The following DNAJC6 variants were observed in gnomAD, a reference collection of about 807,000 sequenced individuals.
The protein encoded by DNAJC6 is DnaJ heat shock protein family (Hsp40) member C6, also known as auxilin.
In DNAJC6, 34 loss-of-function variants were observed where a neutral mutation model predicts 110.0. The ratio of observed to expected loss-of-function variants is 0.31; its 90% confidence interval spans 0.24 to 0.41. DNAJC6 has a LOEUF of 0.41. DNAJC6 is among the 10% of genes least tolerant of loss of function. The pLI, the probability that DNAJC6 is intolerant of heterozygous loss-of-function variation, is 1.00. For missense variants in DNAJC6, 1,031 were observed against 1,207.8 expected (o/e 0.85, Z 2.17); for synonymous variants, 406 against 437.2 (o/e 0.93, Z 0.89).
intron 1 of DNAJC6, among the ~76,000 whole-genome samples, chr1:65,344,223 T>A (rs1645416035): frequency 6.6e-6 from 1 of 152,146 alleles, no homozygotes; most frequent in African/African-American, 2.4e-5. Flanking sequence ...CCTCCAGGGG[T>A]CCTTACAATA....
intron 1 of DNAJC6, among the ~76,000 whole-genome samples, chr1:65,268,067 A>G (rs1028335017): frequency 2.0e-5 from 3 of 152,230 alleles, no homozygotes; most frequent in Non-Finnish European, 4.4e-5. Context: ...ATTGTTTGGA[A>G]GTCAATTCTT....
At chr1:65,388,577 T>C (rs1645894237) in intron 9 of DNAJC6, among the ~76,000 whole-genome samples, 162 bp downstream of exon 9, 1 of 152,216 alleles carries the variant, frequency 6.6e-6, no homozygotes, top group African/African-American at 2.4e-5. Flanking sequence ...AAGCTTTCAG[T>C]TGAATATGAT....
chr1:65,394,511 G>T (rs1456912450), intron 12 of DNAJC6, among the ~76,000 whole-genome samples: 1 of 152,166 alleles, frequency 6.6e-6, no homozygotes, highest in East Asian at 1.9e-4. Context: ...TTGTCTTGTG[G>T]TGTTGGGCAG....
rs1326444867 is a variant in DNAJC6, at chr1:65,402,028, T to C, written c.2227+148T>C. On this transcript the variant is annotated intron_variant, in intron 15 of 18. Coordinates refer to ENST00000371069, the MANE Select transcript of DNAJC6 (RefSeq NM_001256864.2). Reference sequence around the variant, plus strand: ...TTAAGCTATCCTCTGAAACCTGAGATTGGCTTTTTAAAAAAGGAAAGCGAT... The same window carrying C: ...TTAAGCTATCCTCTGAAACCTGAGACTGGCTTTTTAAAAAAGGAAAGCGAT... The C allele has an allele frequency of 1.3e-5, 15 of 1,166,300 alleles. No individual in the cohort carries two copies. The East Asian group carries it at 2.3e-4, about 18-fold the overall frequency. 72.2% of individuals were successfully genotyped at this position (1,166,300 alleles called of 1,614,324 possible).
intron 1 of DNAJC6, among the ~76,000 whole-genome samples, chr1:65,347,897 A>G (rs560669072): frequency 6.6e-6 from 1 of 152,240 alleles, no homozygotes; most frequent in South Asian, 2.1e-4. Flanking sequence ...TTTTAACATG[A>G]TTTTTCTCAA....
chr1:65,302,486 T>C (rs1644996360), intron 1 of DNAJC6, among the ~76,000 whole-genome samples: 1 of 148,580 alleles, frequency 6.7e-6, no homozygotes, highest in African/African-American at 2.5e-5. Flanking sequence ...TAAAGGGAGT[T>C]TGCCTCCCCC....
Position 65,317,138 on chromosome 1 carries a change from T to C in DNAJC6, c.193+7200T>C, listed in dbSNP as rs540483757. Among the ~76,000 whole-genome samples the C allele has an allele frequency of 6.6e-5, 10 of 152,346 alleles. No homozygotes were observed. In the South Asian group the frequency reaches 1.7e-3, roughly 25 times the overall value. On this transcript the variant is annotated intron_variant, in intron 1 of 18. Coordinates refer to ENST00000371069, the MANE Select transcript of DNAJC6 (RefSeq NM_001256864.2). ...TAAGCTTTGTGCTAACTTAACTGCT[T>C]TTTTAAATCTGTGCTCACCATCTTG... is the stretch of plus-strand genomic sequence containing the variant.
Position 65,325,026 on chromosome 1 carries a change from A to G in DNAJC6, c.193+15088A>G, listed in dbSNP as rs370238224. Among the ~76,000 whole-genome samples the G allele has an allele frequency of 1.2e-4, 19 of 152,320 alleles. No homozygotes were observed. In the Middle Eastern group the frequency reaches 0.014, roughly 109 times the overall value. ...CTAATGGTACTTAGTGGTCGGCCCT[A>G]TAAATTGAACTATACCCTACAGGAA... is the stretch of plus-strand genomic sequence containing the variant. On this transcript the variant is annotated intron_variant, in intron 1 of 18. Coordinates refer to ENST00000371069, the MANE Select transcript of DNAJC6 (RefSeq NM_001256864.2).
chr1:65,408,861 G>A lies in DNAJC6; in HGVS notation c.2634+78G>A, dbSNP rs58308432. 4.8e-3 allele frequency: 7,205 copies of A among 1,511,676 alleles called. 244 individuals carry two copies. The Admixed American group carries it at 0.086, about 18-fold the overall frequency. 93.6% of individuals were successfully genotyped at this position (1,511,676 alleles called of 1,614,324 possible). On this transcript the variant is annotated intron_variant, in intron 17 of 18. Transcript: ENST00000371069. Reference sequence around the variant, plus strand: ...ATAAAGTCATGTGTATGGAGCTATCGCCATGAGAGTAACCTATTGTCTTAG... The same window carrying A: ...ATAAAGTCATGTGTATGGAGCTATCACCATGAGAGTAACCTATTGTCTTAG...
In DNAJC6 at chr1:65,413,277, C is replaced by T. The variant is rs1342118245; in HGVS notation, c.*252C>T. On this transcript the variant is annotated 3_prime_UTR_variant, in exon 19 of 19. Transcript: ENST00000371069. Reference sequence around the variant, plus strand: ...GACCTTGCAGAACCACCGCATTCCACCCTGCCCTTTGGGGAGCCTACTCAG... The same window carrying T: ...GACCTTGCAGAACCACCGCATTCCATCCTGCCCTTTGGGGAGCCTACTCAG... 1.5e-5 allele frequency: 6 copies of T among 397,612 alleles called. 1 individual carries two copies. The South Asian group carries it at 1.7e-4, about 11-fold the overall frequency. The allele number at this position is 397,612 out of a possible 1,614,324, so 24.6% of individuals were successfully genotyped here. A position where few individuals can be genotyped will look rare whatever the true frequency, so the allele number is the denominator to read the frequency against.
Position 65,365,402 on chromosome 1 carries a change from G to A in DNAJC6, c.345-483G>A, listed in dbSNP as rs979563737. On this transcript the variant is annotated intron_variant, in intron 2 of 18. Coordinates refer to ENST00000371069, the MANE Select transcript of DNAJC6 (RefSeq NM_001256864.2). ...GCAGTTCTTAATCAGAAATTCAAAC[G>A]TCAAGTACATTATATTAATCAAAAT... Among the ~76,000 whole-genome samples, 14 of 152,042 alleles carry A rather than the reference G, an allele frequency of 9.2e-5. No homozygotes were observed. The South Asian group carries it at 1.7e-3, about 18-fold the overall frequency.
At chr1:65,387,430 C>T (rs758614177) in intron 8 of DNAJC6, among the ~76,000 whole-genome samples, 44 of 152,112 alleles carry the variant, frequency 2.9e-4, no homozygotes, top group Non-Finnish European at 7.4e-5. Context: ...CAAAAGATAC[C>T]CTGTACCTAT....
At chr1:65,349,924 A>G (rs892670080) in intron 1 of DNAJC6, among the ~76,000 whole-genome samples, 18 of 152,106 alleles carry the variant, frequency 1.2e-4, no homozygotes, top group Non-Finnish European at 2.5e-4. Context: ...CTTAGAGTTC[A>G]GATAGGAGAG....
chr1:65,289,396 C>A (rs1036072332), intron 1 of DNAJC6, among the ~76,000 whole-genome samples: 1 of 152,086 alleles, frequency 6.6e-6, no homozygotes, highest in Non-Finnish European at 1.5e-5. Flanking sequence ...GGGGTTTTGC[C>A]GTGTTGGCCA....
At chr1:65,368,596 CT>C (rs1645672126) in intron 4 of DNAJC6, among the ~76,000 whole-genome samples, 1 of 148,964 alleles carries the variant, frequency 6.7e-6, no homozygotes, top group African/African-American at 2.5e-5. Flanking sequence ...TCTTCTTCTT[CT>C]TCTTCTTCTC....
At chr1:65,368,581 C>T (rs1439488358) in intron 4 of DNAJC6, among the ~76,000 whole-genome samples, 1 of 129,860 alleles carries the variant, frequency 7.7e-6, no homozygotes, top group Non-Finnish European at 1.5e-5. Context: ...TCCTCTTCTT[C>T]CTCCTCTTCT....
chr1:65,306,971 TTTCTC>T (rs1645045572), upstream of DNAJC6, among the ~76,000 whole-genome samples: 1 of 107,128 alleles, frequency 9.3e-6, no homozygotes, highest in African/African-American at 3.8e-5. Context: ...TCTCAATCTG[TTTCTC>T]TCTCTCTCTC....
intron 1 of DNAJC6, 49 bp from the exon 2 acceptor site, chr1:65,364,586 T>C: frequency 6.4e-7 from 1 of 1,570,224 alleles, no homozygotes; most frequent in Non-Finnish European, 8.6e-7. Context: ...TTCCGTGGAT[T>C]CTCTGCCATC....
intron 1 of DNAJC6, among the ~76,000 whole-genome samples, chr1:65,297,160 C>T (rs1335723561): frequency 5.3e-5 from 8 of 152,026 alleles, no homozygotes. Context: ...TGGGATTGGC[C>T]AGGTGGGGGA....
Sources: allele counts gnomAD v4.1 joint callset (sites outside exome capture counted in the v4.1 genomes callset), GRCh38; gene constraint gnomAD v4.1.1; transcripts MANE v1.5; gene names NCBI Gene and HGNC (gene_info 2026-07-23, HGNC 2026-07-21).